Variants in PFKP observed in about 807,000 individuals in gnomAD.
PFKP encodes ATP-dependent 6-phosphofructokinase, platelet type.
PFKP carries 101 observed loss-of-function variants against 94.3 expected under a neutral mutation model. The ratio of observed to expected loss-of-function variants is 1.07; its 90% CI spans 0.91 to 1.26. PFKP has a LOEUF of 1.26. Among genes scored for constraint, PFKP ranks in the 50% most tolerant of loss-of-function variants. PFKP has a pLI of 0.00. For missense variants in PFKP, 1,145 were observed against 1,103.3 expected, an observed-to-expected ratio of 1.04 and a Z score of -0.53; for synonymous variants, 573 against 432.6, an observed-to-expected ratio of 1.32 and a Z score of -4.03.
intron 2 of PFKP, among the ~76,000 whole-genome samples, chr10:3,084,432 GT>G (rs142090566): frequency 9.1e-4 from 139 of 152,140 alleles, no homozygotes; most frequent in Middle Eastern, 3.4e-3. Flanking sequence ...CTGGAAAGAG[GT>G]TTTTTTGTTC....
intron 9 of PFKP, 68 bp downstream of exon 9, chr10:3,108,861 C>T (rs1588489966): frequency 2.6e-6 from 3 of 1,136,376 alleles, no homozygotes; most frequent in Middle Eastern, 2.0e-4. Context: ...GAGGCACAGG[C>T]ACCAGCCGGC....
intron 2 of PFKP, among the ~76,000 whole-genome samples, chr10:3,091,940 T>A (rs1339067113): frequency 6.6e-6 from 1 of 152,230 alleles, no homozygotes; most frequent in Non-Finnish European, 1.5e-5. Flanking sequence ...ATTTTATCGC[T>A]AGTTTTTTCC....
In PFKP at chr10:3,089,599, AC is replaced by A. The variant is rs1833891743; in HGVS notation, c.186+7139del. ...ACAATCATCTCTTTGTGTTAGGAAC[AC>A]TCCAATTTTACTCTTTTAGTTATTT... On this transcript the variant is annotated intron_variant, in intron 2 of 21. Transcript: ENST00000381125. Among the ~76,000 whole-genome samples, 9 of 149,898 alleles carry A rather than the reference AC, an allele frequency of 6.0e-5. No individual in the cohort carries two copies. The South Asian group carries it at 1.9e-3, about 32-fold the overall frequency.
At chr10:3,116,508 G>A (rs1182098931) in intron 13 of PFKP, among the ~76,000 whole-genome samples, 3 of 152,186 alleles carry the variant, frequency 2.0e-5, no homozygotes, top group African/African-American at 7.2e-5. Context: ...GTGAGCTGAT[G>A]TATCTCACAC....
At chr10:3,114,222 C>T (rs920691712) in intron 13 of PFKP, among the ~76,000 whole-genome samples, 2 of 151,630 alleles carry the variant, frequency 1.3e-5, no homozygotes, top group African/African-American at 4.8e-5. Context: ...TGATCTTGGC[C>T]CACTGCAGCC....
At chr10:3,088,215 A>G (rs1042685854) in intron 2 of PFKP, among the ~76,000 whole-genome samples, 2 of 131,988 alleles carry the variant, frequency 1.5e-5, no homozygotes, top group Non-Finnish European at 3.1e-5. Flanking sequence ...CTCATTGTTC[A>G]ATTCCCACCT....
At chr10:3,073,502 G>A (rs80179526) in intron 1 of PFKP, among the ~76,000 whole-genome samples, 58 of 151,880 alleles carry the variant, frequency 3.8e-4, no homozygotes, top group African/African-American at 1.2e-3. Context: ...GGAGGGCACC[G>A]GTGCTGCTGG....
At chr10:3,103,988 C>G (rs2306294) in intron 5 of PFKP, 44 bp downstream of exon 5, 48 of 1,586,638 alleles carry the variant, frequency 3.0e-5, no homozygotes, top group Non-Finnish European at 3.7e-5. Flanking sequence ...TGGGGCCCGA[C>G]GTGTGCCCAG....
At chr10:3,091,977 G>T (rs963983818) in intron 2 of PFKP, among the ~76,000 whole-genome samples, 1 of 152,106 alleles carries the variant, frequency 6.6e-6, no homozygotes, top group Non-Finnish European at 1.5e-5. Context: ...CATTCAAAAG[G>T]TGTCAGATAA....
intron 16 of PFKP, among the ~76,000 whole-genome samples, chr10:3,125,945 G>A (rs1182067007): frequency 6.6e-6 from 1 of 152,218 alleles, no homozygotes; most frequent in Admixed American, 6.5e-5. Flanking sequence ...GTGGGGTCAC[G>A]TCCGTGACTT....
At chr10:3,076,679 G>A (rs7909171) in intron 1 of PFKP, among the ~76,000 whole-genome samples, 69,219 of 151,912 alleles carry the variant, frequency 0.46, 16,645 homozygotes, top group Non-Finnish European at 0.53. Flanking sequence ...CAGGGCCAGA[G>A]GCTTCCCATC....
rs1307706963 is a variant in PFKP, at chr10:3,097,047, C to T, written c.187-2228C>T. ...GAGCCAAGATCACGCCACTGCACTC[C>T]AGCCTGGGTGACACAGCGAGACTCC... On this transcript the variant is annotated intron_variant, in intron 2 of 21. Transcript: ENST00000381125. 3.8e-5 allele frequency among the ~76,000 whole-genome samples: 4 copies of T among 106,494 alleles called. 1 individual carries two copies. Among genetic ancestry groups the T allele is most frequent in the Non-Finnish European group, 7.7e-5 (4 of 51,768 alleles). The allele number at this position is 106,494 out of a possible 152,430, so 69.9% of individuals were successfully genotyped here.
intron 7 of PFKP, among the ~76,000 whole-genome samples, chr10:3,105,788 G>A (rs1564307781): frequency 6.6e-6 from 1 of 152,194 alleles, no homozygotes; most frequent in African/African-American, 2.4e-5. Flanking sequence ...TTCAGGCACT[G>A]TTGGCTCCAG....
chr10:3,120,076 C>A, intron 16 of PFKP, 32 bp downstream of exon 16: 1 of 1,610,460 alleles, frequency 6.2e-7, no homozygotes, highest in Middle Eastern at 1.7e-4. Flanking sequence ...CAGGCGGGCG[C>A]CGGCTGACGC....
At chr10:3,125,323 T>C in intron 16 of PFKP, 6 of 1,033,736 alleles carry the variant, frequency 5.8e-6, no homozygotes, top group Non-Finnish European at 7.4e-6. Context: ...GTGCTAAGGA[T>C]GAGCCGGATT....
At chr10:3,108,836 G>A (rs1194138269) in intron 9 of PFKP, 43 bp downstream of exon 9, 1 of 1,406,046 alleles carries the variant, frequency 7.1e-7, no homozygotes, top group Non-Finnish European at 1.0e-6. Context: ...GTCTCTAGGA[G>A]GAAGCGTTTC....
chr10:3,099,512 A>C (rs1272958182), intron 3 of PFKP, among the ~76,000 whole-genome samples, 160 bp downstream of exon 3: 1 of 151,328 alleles, frequency 6.6e-6, no homozygotes, highest in Non-Finnish European at 1.5e-5. Context: ...GATTTTTAGA[A>C]ATGCATGTGT....
At chr10:3,067,756 G>C in intron 1 of PFKP, 49 bp downstream of exon 1, 2 of 1,018,968 alleles carry the variant, frequency 2.0e-6, no homozygotes, top group Non-Finnish European at 2.8e-6. Flanking sequence ...GGACGGAGCT[G>C]GGGAGAACCG....
rs1000529480 is a variant in PFKP, at chr10:3,069,475, A to G, written c.112+1768A>G. ...CTTCAGAAGCAGAGGGAGCACCTTG[A>G]GTGACCTTACCTGGGCCGCGAAAGA... On this transcript the variant is annotated intron_variant, in intron 1 of 21. Transcript: ENST00000381125. 9.3e-6 allele frequency: 12 copies of G among 1,284,126 alleles called. No individual in the cohort carries two copies. The Admixed American group carries it at 2.5e-4, about 27-fold the overall frequency. 79.5% of individuals were successfully genotyped at this position (1,284,126 alleles called of 1,614,324 possible). A position where few individuals can be genotyped will look rare whatever the true frequency, so the allele number is the denominator to read the frequency against.
Sources: gnomAD v4.1 joint callset for allele counts (sites outside exome capture counted in the v4.1 genomes callset) on GRCh38, gnomAD v4.1.1 for gene constraint, MANE v1.5 for transcripts, NCBI Gene and HGNC (gene_info 2026-07-23, HGNC 2026-07-21) for gene names.